The following ACSF3 variants were observed in gnomAD, a reference collection of about 807,000 sequenced individuals.
ACSF3 encodes malonate--CoA ligase ACSF3, mitochondrial.
A neutral mutation model predicts 53.2 loss-of-function variants in ACSF3; 78 were observed. The ratio of observed to expected loss-of-function variants is 1.47; its 90% CI spans 1.22 to 1.77. ACSF3 has a LOEUF of 1.77. Among genes scored for constraint, ACSF3 ranks in the 40% most tolerant of loss-of-function variants. The probability of loss-of-function intolerance (pLI) is 0.00; values close to 1 mark genes in which losing one functional copy is unlikely to be tolerated. For missense variants in ACSF3, 937 were observed against 771.1 expected, an observed-to-expected ratio of 1.22 and a Z score of -2.55; for synonymous variants, 414 against 333.1, an observed-to-expected ratio of 1.24 and a Z score of -2.65.
chr16:89,100,208 G>A (rs1356165693), intron 2 of ACSF3, among the ~76,000 whole-genome samples: 1 of 152,254 alleles, frequency 6.6e-6, no homozygotes, highest in African/African-American at 2.4e-5. Flanking sequence ...TCTGAGAGAG[G>A]CAGCGCCGTG....
chr16:89,136,979 G>A (rs1192346639), intron 8 of ACSF3: 1 of 1,070,890 alleles, frequency 9.3e-7, no homozygotes, highest in East Asian at 6.1e-5. Context: ...CAGATGCTCT[G>A]ACTCCACGTG....
At chr16:89,138,329 G>T (rs1276446954) in intron 8 of ACSF3, among the ~76,000 whole-genome samples, 1 of 152,174 alleles carries the variant, frequency 6.6e-6, no homozygotes, top group Non-Finnish European at 1.5e-5. Flanking sequence ...AAGCCCTGGG[G>T]CCTTTGTCTC....
Position 89,146,066 on chromosome 16 carries a change from C to A in ACSF3, c.1613+17C>A. On this transcript the variant is annotated intron_variant, in intron 10 of 10. Coordinates refer to ENST00000614302, the MANE Select transcript of ACSF3 (RefSeq NM_001243279.3). ...GTGGGCCAGGTAGGGCTGGGTGGGG[C>A]GGGCAGGGAGCACTCATGGGGTCTT... 2 of 440,128 alleles carry A rather than the reference C, an allele frequency of 4.5e-6. No homozygotes were observed. The highest frequency in any genetic ancestry group is 9.2e-6 in the Non-Finnish European group (2 of 217,694). 27.3% of individuals were successfully genotyped at this position (440,128 alleles called of 1,614,324 possible). A position where few individuals can be genotyped will look rare whatever the true frequency, so the allele number is the denominator to read the frequency against.
rs111251955 is a variant in ACSF3, at chr16:89,154,250, G to A, written c.*43G>A. Reference sequence around the variant, plus strand: ...GCGGGTCTGGTGGGGAGCAGCAGACGTCCCCTTCACACCGAGAACCACGGG... The same window carrying A: ...GCGGGTCTGGTGGGGAGCAGCAGACATCCCCTTCACACCGAGAACCACGGG... On this transcript the variant is annotated 3_prime_UTR_variant, in exon 11 of 11. Coordinates refer to ENST00000614302, the MANE Select transcript of ACSF3 (RefSeq NM_001243279.3). 19 of 1,582,342 alleles carry A rather than the reference G, an allele frequency of 1.2e-5. 1 individual carries two copies. Among genetic ancestry groups the A allele is most frequent in the South Asian group, 8.9e-5 (8 of 89,940 alleles).
chr16:89,144,381 G>A (rs571844620), intron 8 of ACSF3, among the ~76,000 whole-genome samples: 157 of 152,362 alleles, frequency 1.0e-3, no homozygotes, highest in Non-Finnish European at 1.7e-3. Flanking sequence ...AGCATGGTCA[G>A]GTGTGGAGGG....
Position 89,101,053 on chromosome 16 carries a change from C to T in ACSF3, c.372C>T (p.Pro124=). The T allele has an allele frequency of 6.2e-7, 1 of 1,614,012 alleles. No individual in the cohort carries two copies. Among genetic ancestry groups the T allele is most frequent in the African/African-American group, 1.3e-5 (1 of 75,042 alleles). ...GGATGAGTGGCGGTGTGGCAGTCCCCCTCTACAGGAAGCATCCCGCGGCCC... is the reference window on the plus strand; with the variant it reads ...GGATGAGTGGCGGTGTGGCAGTCCCTCTCTACAGGAAGCATCCCGCGGCCC... ...ASWMSGGVAV[P]LYRKHPAAQL... Residue 124 remains proline (P), a synonymous_variant, in exon 3 of 11, where the codon CCC becomes CCT. Transcript: ENST00000614302.
intron 10 of ACSF3, chr16:89,152,788 G>C (rs1361015619): frequency 6.6e-6 from 1 of 152,204 alleles, no homozygotes; most frequent in Non-Finnish European, 1.5e-5. Context: ...AGCACTTCGG[G>C]AGGATCCTTT....
intron 8 of ACSF3, among the ~76,000 whole-genome samples, chr16:89,143,382 A>T (rs2151556753): frequency 6.6e-6 from 1 of 152,274 alleles, no homozygotes; most frequent in South Asian, 2.1e-4. Flanking sequence ...CAGTGGCTCC[A>T]TGCTGCGCTG....
chr16:89,113,732 C>A (rs1904486203), intron 5 of ACSF3: 2 of 186,128 alleles, frequency 1.1e-5, no homozygotes. Flanking sequence ...AGCGCGGGGA[C>A]TCGGAGTTCT....
At chr16:89,111,266 A>G (rs971578547) in intron 4 of ACSF3, among the ~76,000 whole-genome samples, 3 of 152,098 alleles carry the variant, frequency 2.0e-5, no homozygotes. Flanking sequence ...GAATGATATT[A>G]TTTCTTCCCC....
chr16:89,143,732 C>G (rs1031688279), intron 8 of ACSF3, among the ~76,000 whole-genome samples: 5 of 152,082 alleles, frequency 3.3e-5, no homozygotes, highest in Admixed American at 6.6e-5. Flanking sequence ...ACTCTCCTGT[C>G]GGGGAGCCTC....
intron 8 of ACSF3, among the ~76,000 whole-genome samples, chr16:89,135,718 C>T (rs1193725042): frequency 1.3e-5 from 2 of 152,248 alleles, no homozygotes; most frequent in Non-Finnish European, 2.9e-5. Flanking sequence ...GAGCATCCCT[C>T]CAGTGCCCTC....
intron 4 of ACSF3, among the ~76,000 whole-genome samples, chr16:89,103,970 C>T (rs1271304437): frequency 1.3e-5 from 2 of 152,214 alleles, no homozygotes; most frequent in Non-Finnish European, 2.9e-5. Context: ...CGAGGCGGGA[C>T]CCTGTGCACA....
chr16:89,133,346 G>T, intron 8 of ACSF3, 84 bp downstream of exon 8: 1 of 1,582,970 alleles, frequency 6.3e-7, no homozygotes, highest in Non-Finnish European at 8.6e-7. Flanking sequence ...TGACACCGAG[G>T]CTGGGAGTTC....
At chr16:89,141,427 G>C (rs1911739249) in intron 8 of ACSF3, among the ~76,000 whole-genome samples, 1 of 152,250 alleles carries the variant, frequency 6.6e-6, no homozygotes, top group Non-Finnish European at 1.5e-5. Flanking sequence ...CCGCCCCTTT[G>C]GGTGGGGGTG....
chr16:89,137,559 G>A (rs1337127753), intron 8 of ACSF3, among the ~76,000 whole-genome samples: 1 of 142,214 alleles, frequency 7.0e-6, no homozygotes, highest in Non-Finnish European at 1.5e-5. Flanking sequence ...AAGAGCCCCA[G>A]GTCTCGGGAG....
intron 4 of ACSF3, among the ~76,000 whole-genome samples, chr16:89,105,765 G>C (rs1332300219): frequency 6.6e-6 from 1 of 152,242 alleles, no homozygotes; most frequent in Non-Finnish European, 1.5e-5. Context: ...AGGGCGAGAT[G>C]CAGCTGGCAG....
At position 89,146,032 on chromosome 16, in the gene ACSF3, G is replaced by C. The variant is rs1912883419; in HGVS notation, c.1596G>C (p.Glu532Asp). The change falls in exon 10 of 11, where the codon GAG becomes GAC. Residue 532 changes from glutamate (E) to aspartate (D), a missense_variant. Coordinates refer to ENST00000614302, the MANE Select transcript of ACSF3 (RefSeq NM_001243279.3). ...LREGHSLSHR[E>D]LKEWARNVLA... The stretch of plus-strand genomic sequence containing the variant: ...AAGGACACTCACTGTCCCACAGGGA[G>C]CTCAAAGAGTGGGCCAGGTAGGGCT... 8.2e-7 allele frequency: 1 copy of C among 1,214,388 alleles called. No homozygotes were observed. Among genetic ancestry groups the C allele is most frequent in the Non-Finnish European group, 1.2e-6 (1 of 861,588 alleles). 75.2% of individuals were successfully genotyped at this position (1,214,388 alleles called of 1,614,324 possible).
chr16:89,125,881 T>A (rs940055655), intron 7 of ACSF3, among the ~76,000 whole-genome samples: 2 of 152,222 alleles, frequency 1.3e-5, no homozygotes, highest in Admixed American at 6.5e-5. Flanking sequence ...GTGAACACAG[T>A]GTGTCTCTCC....
Sources: gnomAD v4.1 joint callset for allele counts (sites outside exome capture counted in the v4.1 genomes callset) on GRCh38, gnomAD v4.1.1 for gene constraint, MANE v1.5 for transcripts, NCBI Gene and HGNC (gene_info 2026-07-23, HGNC 2026-07-21) for gene names.